EPHA7: variants seen among roughly 807,000 people sequenced by gnomAD.
The protein encoded by EPHA7 is EPH receptor A7.
A neutral mutation model predicts 112.6 loss-of-function variants in EPHA7; 25 were observed. The ratio of observed to expected loss-of-function variants is 0.22; its 90% CI spans 0.16 to 0.31. The LOEUF (loss-of-function observed/expected upper bound fraction) is 0.31, where lower values mean the gene tolerates loss of function less well. EPHA7 is among the 10% of genes least tolerant of loss of function. The pLI is 1.00. For missense variants in EPHA7, 962 were observed against 1,212.6 expected (o/e 0.79, Z 3.07); for synonymous variants, 437 against 406.5 (o/e 1.07, Z -0.90).
chr6:93,285,075 A>C (rs1176969462), intron 5 of EPHA7, among the ~76,000 whole-genome samples: 2 of 152,212 alleles, frequency 1.3e-5, no homozygotes, highest in African/African-American at 4.8e-5. Context: ...AAAGTGCATA[A>C]ACTTAAGAAA....
intron 14 of EPHA7, among the ~76,000 whole-genome samples, chr6:93,249,713 A>G (rs1380233083): frequency 2.6e-5 from 4 of 152,162 alleles, no homozygotes; most frequent in Non-Finnish European, 5.9e-5. Context: ...TGAAAGGAAC[A>G]ATGTAAGTCG....
chr6:93,324,742 A>G (rs1405037083), intron 5 of EPHA7, among the ~76,000 whole-genome samples: 1 of 151,508 alleles, frequency 6.6e-6, no homozygotes, highest in East Asian at 1.9e-4. Flanking sequence ...ATACAGAGAA[A>G]GACAAATATT....
intron 5 of EPHA7, among the ~76,000 whole-genome samples, chr6:93,308,509 C>T (rs1006361989): frequency 6.6e-6 from 1 of 151,988 alleles, no homozygotes; most frequent in Admixed American, 6.6e-5. Context: ...GTAAGATTCA[C>T]TTAATATGTT....
intron 5 of EPHA7, among the ~76,000 whole-genome samples, chr6:93,355,248 C>T (rs1350023393): frequency 6.6e-6 from 1 of 152,050 alleles, no homozygotes; most frequent in African/African-American, 2.4e-5. Context: ...GATATCTGCT[C>T]TTATAAATAG....
intron 3 of EPHA7, 79 bp from the exon 4 acceptor site, chr6:93,358,490 G>A (rs1776073210): frequency 8.0e-7 from 1 of 1,242,728 alleles, no homozygotes; most frequent in Non-Finnish European, 1.1e-6. Context: ...ATTTAGCAAG[G>A]AATCAAATAT....
intron 5 of EPHA7, among the ~76,000 whole-genome samples, chr6:93,301,949 C>T (rs1374841028): frequency 1.3e-5 from 2 of 151,874 alleles, no homozygotes; most frequent in African/African-American, 2.4e-5. Flanking sequence ...TCTTCTTCAA[C>T]GTTCCCTATC....
Position 93,411,055 on chromosome 6 carries a change from C to T in EPHA7, c.278G>A (p.Gly93Asp), listed in dbSNP as rs1241267544. The T allele has an allele frequency of 2.5e-6, 4 of 1,613,952 alleles. No homozygotes were observed. The highest frequency in any genetic ancestry group is 2.2e-5 in the East Asian group (1 of 44,876). The stretch of plus-strand genomic sequence containing the variant: ...TTCTACAAAAATCCTTTGTGCATTG[C>T]CTTTGGAAATCCAGTTAGTCCGCAG... ...NWLRTNWISK[G>D]NAQRIFVELK... Residue 93 changes from glycine to aspartate, a missense_variant, in exon 3 of 17, where the codon GGC (glycine) becomes GAC (aspartate). Coordinates refer to ENST00000369303, the MANE Select transcript of EPHA7 (RefSeq NM_004440.4).
rs189289215 is a variant in EPHA7, at chr6:93,273,226, T to A, written c.1325-804A>T. Among the ~76,000 whole-genome samples the A allele has an allele frequency of 2.9e-3, 442 of 152,082 alleles. 2 individuals carry two copies. The highest frequency in any genetic ancestry group is 0.01 in the African/African-American group (417 of 41,534). On this transcript the variant is annotated intron_variant, in intron 5 of 16. Transcript: ENST00000369303. Reference sequence around the variant, plus strand: ...AGTCTGTGGAATGTAGCAAACTAATTTGCTCGTCTAATTTGCTCAGTGATG... The same window carrying A: ...AGTCTGTGGAATGTAGCAAACTAATATGCTCGTCTAATTTGCTCAGTGATG...
At chr6:93,282,977 G>A (rs1771839523) in intron 5 of EPHA7, among the ~76,000 whole-genome samples, 1 of 152,202 alleles carries the variant, frequency 6.6e-6, no homozygotes, top group African/African-American at 2.4e-5. Context: ...ACCACCCAAG[G>A]GCTGAGGAGT....
chr6:93,289,953 A>T (rs2127834746), intron 5 of EPHA7, among the ~76,000 whole-genome samples: 1 of 152,324 alleles, frequency 6.6e-6, no homozygotes, highest in South Asian at 2.1e-4. Flanking sequence ...GCAAAATATG[A>T]ACAAATTATT....
rs3214989 is a variant in EPHA7 at position 93,241,625 on chromosome 6, C to CAA, written c.*1799_*1800dup. ...ATAACACTGTACAGTGATTTAAAAC[C>CAA]AAAAAAAAAGGGTGGGGAGGGGTTT... On this transcript the variant is annotated 3_prime_UTR_variant, in exon 17 of 17. Transcript: ENST00000369303. 8.5e-5 allele frequency: 18 copies of CAA among 212,602 alleles called. No individual in the cohort carries two copies. The highest frequency in any genetic ancestry group is 1.9e-4 in the South Asian group (1 of 5,202). The allele number at this position is 212,602 out of a possible 1,614,324, so 13.2% of individuals were successfully genotyped here. A position where few individuals can be genotyped will look rare whatever the true frequency, so the allele number is the denominator to read the frequency against.
At chr6:93,357,112 A>C (rs1582586098) in intron 4 of EPHA7, 60 bp from the exon 5 acceptor site, 1 of 1,335,034 alleles carries the variant, frequency 7.5e-7, no homozygotes, top group East Asian at 2.3e-5. Context: ...ACATACAAAC[A>C]AAAAGAACAA....
intron 5 of EPHA7, among the ~76,000 whole-genome samples, chr6:93,356,205 C>G (rs1158120120): frequency 1.4e-5 from 2 of 147,676 alleles, no homozygotes; most frequent in Admixed American, 1.4e-4. Context: ...ACAATTTTAT[C>G]TCCTGTTTTT....
intron 3 of EPHA7, among the ~76,000 whole-genome samples, chr6:93,397,215 A>G (rs1283993992): frequency 6.6e-6 from 1 of 151,832 alleles, no homozygotes; most frequent in Non-Finnish European, 1.5e-5. Flanking sequence ...AATGTCATAT[A>G]GGCTGTGCAT....
intron 3 of EPHA7, among the ~76,000 whole-genome samples, chr6:93,402,153 AT>A (rs1778463120): frequency 6.6e-6 from 1 of 152,006 alleles, no homozygotes; most frequent in Non-Finnish European, 1.5e-5. Context: ...AATCAGACAC[AT>A]TAGTTTCCTA....
At chr6:93,361,111 G>T (rs1376202162) in intron 3 of EPHA7, among the ~76,000 whole-genome samples, 3 of 152,034 alleles carry the variant, frequency 2.0e-5, no homozygotes, top group Non-Finnish European at 2.9e-5. Flanking sequence ...TTTTGACACT[G>T]ATGATACCTG....
At chr6:93,366,919 G>A (rs1457575843) in intron 3 of EPHA7, among the ~76,000 whole-genome samples, 1 of 151,514 alleles carries the variant, frequency 6.6e-6, no homozygotes, top group Non-Finnish European at 1.5e-5. Context: ...TTTACTCTGA[G>A]AGTTCACCCC....
intron 1 of EPHA7, among the ~76,000 whole-genome samples, chr6:93,416,662 G>A (rs906216006): frequency 1.3e-5 from 2 of 152,194 alleles, no homozygotes; most frequent in Non-Finnish European, 2.9e-5. Flanking sequence ...ATCCCTTCCC[G>A]CTCGGAGCAG....
At chr6:93,332,219 G>A (rs879807614) in intron 5 of EPHA7, among the ~76,000 whole-genome samples, 4 of 151,576 alleles carry the variant, frequency 2.6e-5, no homozygotes, top group African/African-American at 7.2e-5. Context: ...CAGTGGACCC[G>A]GTGGAAGGTG....
Sources: allele counts gnomAD v4.1 joint callset (sites outside exome capture counted in the v4.1 genomes callset), GRCh38; gene constraint gnomAD v4.1.1; transcripts MANE v1.5; gene names NCBI Gene and HGNC (gene_info 2026-07-23, HGNC 2026-07-21).